Variants in PLCH1 observed in about 807,000 individuals in gnomAD.
PLCH1 encodes 1-phosphatidylinositol 4,5-bisphosphate phosphodiesterase eta-1.
Under a neutral mutation model 126.7 loss-of-function variants are expected in PLCH1, and 60 were observed. The ratio of observed to expected loss-of-function variants is 0.47; its 90% confidence interval spans 0.38 to 0.59. The LOEUF is 0.59. Ranked by LOEUF, PLCH1 falls within the 20% of genes least tolerant of loss-of-function variation. The pLI is 0.00. For synonymous variants in PLCH1, 719 were observed against 734.9 expected (o/e 0.98, Z 0.35); for missense variants, 1,723 against 2,040.0 (o/e 0.84, Z 2.99).
chr3:155,707,763 A>G (rs1467919755), intron 1 of PLCH1, among the ~76,000 whole-genome samples: 1 of 152,208 alleles, frequency 6.6e-6, no homozygotes, highest in Non-Finnish European at 1.5e-5. Flanking sequence ...CATATAATAC[A>G]TGTAACATCC....
At chr3:155,731,946 G>A (rs1748800055) in intron 1 of PLCH1, among the ~76,000 whole-genome samples, 1 of 139,114 alleles carries the variant, frequency 7.2e-6, no homozygotes, top group Admixed American at 7.8e-5. Flanking sequence ...TTGTGCCACT[G>A]CACTCTATCC....
chr3:155,598,003 G>T (rs1473043207), intron 2 of PLCH1, among the ~76,000 whole-genome samples: 1 of 152,020 alleles, frequency 6.6e-6, no homozygotes, highest in Non-Finnish European at 1.5e-5. Context: ...GGCCAACATG[G>T]TGAAACCCCA....
At chr3:155,523,223 G>A (rs898255808) in intron 11 of PLCH1, among the ~76,000 whole-genome samples, 5 of 152,048 alleles carry the variant, frequency 3.3e-5, no homozygotes, top group East Asian at 3.9e-4. Flanking sequence ...TGATCTGCCC[G>A]CCTCGGCCTC....
chr3:155,479,553 C>T (rs190171689), downstream of PLCH1, among the ~76,000 whole-genome samples: 2 of 152,090 alleles, frequency 1.3e-5, no homozygotes, highest in Non-Finnish European at 2.9e-5. Context: ...GTAGCTCCCC[C>T]ACCCACGACC....
intron 1 of PLCH1, among the ~76,000 whole-genome samples, chr3:155,739,378 G>A (rs977596623): frequency 3.9e-5 from 6 of 152,148 alleles, no homozygotes; most frequent in African/African-American, 1.4e-4. Context: ...ACCACAAGAT[G>A]GCAACAATCC....
chr3:155,452,009 G>T (rs928281315), intron 21 of PLCH1, among the ~76,000 whole-genome samples: 2 of 151,882 alleles, frequency 1.3e-5, no homozygotes, highest in African/African-American at 2.4e-5. Flanking sequence ...CTCTCTCTCT[G>T]TCTCTCTCTC....
At chr3:155,634,324 A>G (rs1399704161) in intron 2 of PLCH1, among the ~76,000 whole-genome samples, 1 of 152,186 alleles carries the variant, frequency 6.6e-6, no homozygotes, top group East Asian at 1.9e-4. Flanking sequence ...ACTGTGCTTA[A>G]CTGCGCTGCC....
At chr3:155,730,684 A>C (rs528144986) in intron 1 of PLCH1, among the ~76,000 whole-genome samples, 1 of 152,352 alleles carries the variant, frequency 6.6e-6, no homozygotes, top group South Asian at 2.1e-4. Context: ...GCGAGATGGC[A>C]AAATAAATAA....
intron 14 of PLCH1, among the ~76,000 whole-genome samples, chr3:155,498,633 C>G (rs1006564028): frequency 7.2e-5 from 11 of 152,294 alleles, no homozygotes; most frequent in South Asian, 2.1e-4. Flanking sequence ...AATTATACAC[C>G]TAAAGGGAAA....
intron 11 of PLCH1, among the ~76,000 whole-genome samples, chr3:155,517,601 T>C (rs1030227921): frequency 1.3e-5 from 2 of 152,188 alleles, no homozygotes; most frequent in Middle Eastern, 3.2e-3. Context: ...TCTGTTTGTG[T>C]CTTCTCTTCT....
chr3:155,595,610 C>T (rs560325631), intron 3 of PLCH1, among the ~76,000 whole-genome samples: 4 of 152,338 alleles, frequency 2.6e-5, no homozygotes, highest in East Asian at 3.9e-4. Context: ...GCTACACCAA[C>T]AGCTTCCCTG....
At chr3:155,651,048 A>AT (rs2108894970) in intron 2 of PLCH1, among the ~76,000 whole-genome samples, 1 of 152,358 alleles carries the variant, frequency 6.6e-6, no homozygotes, top group East Asian at 1.9e-4. Context: ...AAAAAAAAAA[A>AT]AATGCAGATT....
At chr3:155,635,078 G>C (rs1416908129) in intron 2 of PLCH1, among the ~76,000 whole-genome samples, 1 of 151,810 alleles carries the variant, frequency 6.6e-6, no homozygotes, top group African/African-American at 2.4e-5. Flanking sequence ...TGTAAGAAAA[G>C]TGCTGAGGAC....
chr3:155,543,168 A>G (rs570223393), intron 10 of PLCH1, among the ~76,000 whole-genome samples: 1 of 152,356 alleles, frequency 6.6e-6, no homozygotes, highest in African/African-American at 2.4e-5. Flanking sequence ...TATAACTAGA[A>G]GAACCAATAC....
chr3:155,469,892 A>C (rs1202308477), intron 21 of PLCH1, among the ~76,000 whole-genome samples: 23 of 152,124 alleles, frequency 1.5e-4, no homozygotes, highest in Non-Finnish European at 2.8e-4. Context: ...AAACTAACAA[A>C]CAGAAAGGAC....
chr3:155,596,532 A>T (rs999191578), intron 2 of PLCH1, among the ~76,000 whole-genome samples, 154 bp from the exon 3 acceptor site: 1 of 151,966 alleles, frequency 6.6e-6, no homozygotes, highest in African/African-American at 2.4e-5. Context: ...TGAGTTGTTA[A>T]GGAATTGATT....
intron 8 of PLCH1, among the ~76,000 whole-genome samples, chr3:155,556,106 A>T (rs1236872022): frequency 6.6e-6 from 1 of 152,230 alleles, no homozygotes; most frequent in Non-Finnish European, 1.5e-5. Flanking sequence ...CTGCAAGCTG[A>T]ATTTGCATAA....
intron 13 of PLCH1, among the ~76,000 whole-genome samples, chr3:155,501,669 CCTATAATCCCAG>C (rs1263128537): frequency 3.9e-5 from 6 of 151,988 alleles, no homozygotes; most frequent in African/African-American, 1.5e-4. Context: ...GTGGCAGGTG[CCTATAATCCCAG>C]CTACTTGGGA....
rs1730995553 is a variant in PLCH1, at chr3:155,583,669, T to C, written c.601-27A>G. On this transcript the variant is annotated intron_variant, in intron 5 of 22. Transcript: ENST00000460012. ...TGAAAAGGGCATAGAGAAAATAAAG[T>C]AATATGAAAGTTAGAAATAGGAAAT... 5 of 1,507,822 alleles carry C rather than the reference T, an allele frequency of 3.3e-6. No individual in the cohort carries two copies. In the African/African-American group the frequency reaches 4.3e-5, roughly 13 times the overall value. The allele number at this position is 1,507,822 out of a possible 1,614,324, so 93.4% of individuals were successfully genotyped here. A position where few individuals can be genotyped will look rare whatever the true frequency, so the allele number is the denominator to read the frequency against.
Sources: allele counts gnomAD v4.1 joint callset (sites outside exome capture counted in the v4.1 genomes callset), GRCh38; gene constraint gnomAD v4.1.1; transcripts MANE v1.5; gene names NCBI Gene and HGNC (gene_info 2026-07-23, HGNC 2026-07-21).